Variants in DGCR2 observed in about 807,000 individuals in gnomAD.
DGCR2 encodes the protein DiGeorge syndrome critical region gene 2, also known as integral membrane protein DGCR2/IDD.
A neutral mutation model predicts 51.6 loss-of-function variants in DGCR2; 24 were observed. The ratio of observed to expected loss-of-function variants is 0.47; its 90% CI spans 0.34 to 0.65. DGCR2 has a LOEUF of 0.65. Among genes scored for constraint, DGCR2 ranks in the 30% least tolerant of loss-of-function variants. DGCR2 has a pLI of 0.01. For missense variants in DGCR2, 765 were observed against 772.1 expected (o/e 0.99, Z 0.11); for synonymous variants, 340 against 315.4 (o/e 1.08, Z -0.82).
intron 1 of DGCR2, among the ~76,000 whole-genome samples, chr22:19,110,511 G>C (rs750213865): frequency 6.6e-6 from 1 of 152,080 alleles, no homozygotes. Context: ...TAATGCATGC[G>C]GGGCTTAAAA....
chr22:19,117,036 T>C (rs1251615761), intron 1 of DGCR2, among the ~76,000 whole-genome samples: 2 of 152,032 alleles, frequency 1.3e-5, no homozygotes, highest in Non-Finnish European at 2.9e-5. Context: ...AGAGGACACG[T>C]GCACAGCTAG....
chr22:19,075,446 CAA>C (rs35578082), intron 2 of DGCR2, among the ~76,000 whole-genome samples: 10 of 136,176 alleles, frequency 7.3e-5, no homozygotes, highest in Non-Finnish European at 9.7e-5. Context: ...GACTCTGTCT[CAA>C]AAAAAAAAAA....
At chr22:19,100,212 T>C (rs1002848103) in intron 1 of DGCR2, among the ~76,000 whole-genome samples, 1 of 151,714 alleles carries the variant, frequency 6.6e-6, no homozygotes, top group Non-Finnish European at 1.5e-5. Context: ...GAGGTTGCAG[T>C]GAGCCAAGAT....
intron 5 of DGCR2, among the ~76,000 whole-genome samples, chr22:19,058,826 C>CA (rs1238984778): frequency 6.6e-6 from 1 of 152,204 alleles, no homozygotes; most frequent in Non-Finnish European, 1.5e-5. Context: ...AGGCAACCAG[C>CA]AAAACAGGGT....
At chr22:19,108,569 T>TAAAAAAAAAAA (rs55803042) in intron 1 of DGCR2, among the ~76,000 whole-genome samples, 14 of 90,774 alleles carry the variant, frequency 1.5e-4, no homozygotes, top group African/African-American at 4.8e-4. Flanking sequence ...AGAATTTATC[T>TAAAAAAAAAAA]AAAAAAAAAA....
Position 19,063,375 on chromosome 22 carries a change from T to C in DGCR2, c.549-97A>G, listed in dbSNP as rs984150627. ...TTTGTTTTTTGAGACAGAGTCTCGC[T>C]CTGTCACCAGGATGGAGTGCAGTGG... is the stretch of plus-strand genomic sequence containing the variant. On this transcript the variant is annotated intron_variant, in intron 4 of 9. Transcript: ENST00000263196. 5.2e-6 allele frequency: 6 copies of C among 1,145,422 alleles called. 1 individual carries two copies. In the Admixed American group the frequency reaches 1.2e-4, roughly 23 times the overall value. The allele number at this position is 1,145,422 out of a possible 1,614,324, so 71.0% of individuals were successfully genotyped here.
Position 19,122,211 on chromosome 22 carries a change from C to A in DGCR2, c.-5G>T, listed in dbSNP as rs1265272623. 2 of 1,494,154 alleles carry A rather than the reference C, an allele frequency of 1.3e-6. No homozygotes were observed. Among genetic ancestry groups the A allele is most frequent in the Non-Finnish European group, 1.8e-6 (2 of 1,119,158 alleles). 92.6% of individuals were successfully genotyped at this position (1,494,154 alleles called of 1,614,324 possible). On this transcript the variant is annotated 5_prime_UTR_variant, in exon 1 of 10. Transcript: ENST00000263196. ...GCTGTCTGCCTTGGGCACCATTTATCCTCCGTTCATCGTCCCCGGGGCGGC... is the reference window on the plus strand; with the variant it reads ...GCTGTCTGCCTTGGGCACCATTTATACTCCGTTCATCGTCCCCGGGGCGGC...
intron 1 of DGCR2, among the ~76,000 whole-genome samples, chr22:19,093,503 C>T (rs779739076): frequency 1.3e-5 from 2 of 151,966 alleles, no homozygotes; most frequent in Non-Finnish European, 2.9e-5. Flanking sequence ...ACCAAAAACA[C>T]AATCTATAAA....
chr22:19,083,574 T>A (rs2082965621), intron 2 of DGCR2, among the ~76,000 whole-genome samples: 1 of 152,208 alleles, frequency 6.6e-6, no homozygotes, highest in Non-Finnish European at 1.5e-5. Context: ...TGCCACTATT[T>A]ACTTGTCTTC....
chr22:19,096,845 C>A (rs1299330001), intron 1 of DGCR2, among the ~76,000 whole-genome samples: 1 of 150,822 alleles, frequency 6.6e-6, no homozygotes, highest in African/African-American at 2.4e-5. Context: ...CCTGAGCTAC[C>A]CCGCCCAGCA....
intron 4 of DGCR2, 95 bp downstream of exon 4, chr22:19,064,753 T>A (rs2082728290): frequency 8.2e-7 from 1 of 1,226,094 alleles, no homozygotes; most frequent in African/African-American, 1.5e-5. Flanking sequence ...GTCTGCCAGC[T>A]GTGCTCCAGG....
intron 1 of DGCR2, among the ~76,000 whole-genome samples, chr22:19,118,374 CAAAAAAAAAAAA>C (rs923572855): frequency 2.3e-4 from 13 of 56,766 alleles, no homozygotes; most frequent in African/African-American, 4.3e-4. Flanking sequence ...CCATCGCAAA[CAAAAAAAAAAAA>C]AAAAAAAAAA....
chr22:19,059,748 G>T (rs796074132), intron 5 of DGCR2, among the ~76,000 whole-genome samples: 2 of 152,090 alleles, frequency 1.3e-5, no homozygotes, highest in African/African-American at 2.4e-5. Context: ...ACCAGCCACC[G>T]GAGGACACCC....
At chr22:19,039,424 C>T (rs1468730853) in intron 9 of DGCR2, among the ~76,000 whole-genome samples, 1 of 152,214 alleles carries the variant, frequency 6.6e-6, no homozygotes, top group South Asian at 2.1e-4. Context: ...GGGAGACACA[C>T]TGACCAGCAG....
At position 19,041,853 on chromosome 22, in the gene DGCR2, C is replaced by T. The variant is rs2082435577; in HGVS notation, c.1113G>A (p.Leu371=). ...LSLLLFMVHR[L]RQRRRERIES... Reference sequence around the variant, plus strand: ...CGATGCGCTCCCGGCGCCGCTGGCGCAGCCGGTGGACCATGAAGAGCAGCA... The same window carrying T: ...CGATGCGCTCCCGGCGCCGCTGGCGTAGCCGGTGGACCATGAAGAGCAGCA... Residue 371 remains leucine, a synonymous_variant, in exon 8 of 10, where the codon CTG becomes CTA. Transcript: ENST00000263196. 1.2e-6 allele frequency: 2 copies of T among 1,613,092 alleles called. No homozygotes were observed. Among genetic ancestry groups the T allele is most frequent in the Non-Finnish European group, 1.7e-6 (2 of 1,179,940 alleles).
At chr22:19,071,905 G>T (rs867987355) in intron 2 of DGCR2, among the ~76,000 whole-genome samples, 1 of 152,118 alleles carries the variant, frequency 6.6e-6, no homozygotes, top group Admixed American at 6.5e-5. Context: ...AACACAAAGA[G>T]CAACTGCGGC....
intron 1 of DGCR2, among the ~76,000 whole-genome samples, chr22:19,092,707 A>G (rs1157072031): frequency 3.3e-5 from 5 of 152,244 alleles, no homozygotes; most frequent in East Asian, 1.9e-4. Context: ...ACCATTAACA[A>G]TAGTATCAAA....
At chr22:19,112,661 T>A (rs1248628014) in intron 1 of DGCR2, among the ~76,000 whole-genome samples, 1 of 143,502 alleles carries the variant, frequency 7.0e-6, no homozygotes, top group Non-Finnish European at 1.5e-5. Context: ...GTTTAGAACT[T>A]CTGGGCTCAA....
At chr22:19,046,177 A>C (rs2082487533) in intron 7 of DGCR2, 1 of 152,106 alleles carries the variant, frequency 6.6e-6, no homozygotes, top group African/African-American at 2.4e-5. Context: ...CTTTCCTTTT[A>C]TTTAAGCCTT....
Sources: gnomAD v4.1 joint callset for allele counts (sites outside exome capture counted in the v4.1 genomes callset) on GRCh38, gnomAD v4.1.1 for gene constraint, MANE v1.5 for transcripts, NCBI Gene and HGNC (gene_info 2026-07-23, HGNC 2026-07-21) for gene names.